Variants in KAZN observed in about 807,000 individuals in gnomAD.
KAZN encodes kazrin, periplakin interacting protein.
KAZN carries 40 observed loss-of-function variants against 87.4 expected under a neutral mutation model. The ratio of observed to expected loss-of-function variants is 0.46; its 90% confidence interval spans 0.36 to 0.60. The LOEUF is 0.60. Among genes scored for constraint, KAZN ranks in the 20% least tolerant of loss-of-function variants. KAZN has a pLI of 0.00. For synonymous variants in KAZN, 466 were observed against 458.3 expected (o/e 1.02, Z -0.22); for missense variants, 898 against 1,073.9 (o/e 0.84, Z 2.29).
intron 1 of KAZN, among the ~76,000 whole-genome samples, chr1:14,746,920 T>C (rs536476069): frequency 5.3e-5 from 8 of 152,204 alleles, no homozygotes; most frequent in Non-Finnish European, 8.8e-5. Context: ...AATAGAGTAT[T>C]GTACAACCAT....
intron 2 of KAZN, among the ~76,000 whole-genome samples, chr1:15,007,052 G>A (rs1160417815): frequency 8.7e-5 from 8 of 91,740 alleles, no homozygotes; most frequent in Non-Finnish European, 1.1e-4. Flanking sequence ...GCAAGACTCC[G>A]TCTCAAAAAA....
chr1:14,924,422 G>C (rs944390150), intron 1 of KAZN: 1 of 988,178 alleles, frequency 1.0e-6, no homozygotes, highest in Non-Finnish European at 1.2e-6. Context: ...GGCGCAGGGC[G>C]AGCCGGCGCC....
chr1:14,972,907 G>A (rs1267321795), intron 2 of KAZN, among the ~76,000 whole-genome samples: 2 of 152,028 alleles, frequency 1.3e-5, no homozygotes, highest in African/African-American at 4.8e-5. Flanking sequence ...CAGGAGAGGG[G>A]GTGTGGGGAA....
intron 1 of KAZN, among the ~76,000 whole-genome samples, chr1:14,607,096 A>G (rs1416311541): frequency 1.3e-5 from 2 of 152,152 alleles, no homozygotes; most frequent in Admixed American, 6.5e-5. Flanking sequence ...AGATGGATGG[A>G]TGGGTGAATA....
chr1:14,470,602 T>C (rs1341944155), intron 2 of KAZN, among the ~76,000 whole-genome samples: 1 of 152,174 alleles, frequency 6.6e-6, no homozygotes, highest in African/African-American at 2.4e-5. Context: ...AGAGAGAGGA[T>C]ATATTTTTCT....
intron 2 of KAZN, among the ~76,000 whole-genome samples, chr1:14,221,433 C>T (rs1014732706): frequency 8.5e-5 from 13 of 152,080 alleles, no homozygotes; most frequent in Admixed American, 2.6e-4. Flanking sequence ...TTTGCAATCA[C>T]GATCCATGTA....
chr1:14,938,621 A>G (rs1038121622), intron 1 of KAZN, among the ~76,000 whole-genome samples: 3 of 152,028 alleles, frequency 2.0e-5, no homozygotes, highest in African/African-American at 7.2e-5. Context: ...TCCAGAGTCC[A>G]ATACTCAATA....
intron 1 of KAZN, among the ~76,000 whole-genome samples, chr1:13,956,309 T>C (rs12757176): frequency 0.23 from 23,844 of 102,448 alleles, 2,244 homozygotes; most frequent in African/African-American, 0.33. Context: ...TTCTTTTTTT[T>C]CTTTTTTTTT....
intron 2 of KAZN, among the ~76,000 whole-genome samples, chr1:14,345,504 G>A (rs887611762): frequency 1.3e-5 from 2 of 152,248 alleles, no homozygotes; most frequent in Middle Eastern, 3.4e-3. Context: ...AAATATAATC[G>A]TATCAACTCA....
chr1:14,020,871 A>G (rs1640793216), intron 1 of KAZN, among the ~76,000 whole-genome samples: 3 of 152,192 alleles, frequency 2.0e-5, no homozygotes, highest in African/African-American at 4.8e-5. Context: ...GGTAGCCAGC[A>G]TTTGTCACCG....
intron 4 of KAZN, among the ~76,000 whole-genome samples, chr1:15,054,501 A>C (rs1304944503): frequency 6.6e-6 from 1 of 152,056 alleles, no homozygotes; most frequent in African/African-American, 2.4e-5. Context: ...AATACAAAAA[A>C]ATTAGCTGGG....
chr1:14,702,346 G>GTC (rs1376468119), intron 1 of KAZN, among the ~76,000 whole-genome samples: 1 of 151,698 alleles, frequency 6.6e-6, no homozygotes, highest in Non-Finnish European at 1.5e-5. Flanking sequence ...GTGTGTGTGT[G>GTC]TGTGTGTGTG....
At chr1:14,407,900 T>G (rs1485659784) in intron 2 of KAZN, among the ~76,000 whole-genome samples, 2 of 152,140 alleles carry the variant, frequency 1.3e-5, no homozygotes, top group African/African-American at 4.8e-5. Flanking sequence ...AAAATTAATT[T>G]GTTTTTTAGA....
At chr1:14,640,959 C>T (rs1680366299) in intron 1 of KAZN, among the ~76,000 whole-genome samples, 1 of 152,232 alleles carries the variant, frequency 6.6e-6, no homozygotes, top group South Asian at 2.1e-4. Context: ...TTTGAGCTGG[C>T]TGTATTCTTG....
At chr1:14,971,429 A>G (rs1344615574) in intron 2 of KAZN, among the ~76,000 whole-genome samples, 1 of 152,178 alleles carries the variant, frequency 6.6e-6, no homozygotes, top group East Asian at 1.9e-4. Flanking sequence ...AAAATCTTCT[A>G]CGGCCTTCTA....
intron 2 of KAZN, among the ~76,000 whole-genome samples, chr1:14,589,334 A>AGG (rs1557819339): frequency 6.7e-6 from 1 of 148,174 alleles, no homozygotes; most frequent in Non-Finnish European, 1.5e-5. Context: ...AGGCAGGTAA[A>AGG]AAAAAAAAAA....
At chr1:14,323,895 T>C (rs1273240440) in intron 2 of KAZN, among the ~76,000 whole-genome samples, 1 of 152,220 alleles carries the variant, frequency 6.6e-6, no homozygotes, top group Non-Finnish European at 1.5e-5. Context: ...GGACTCTTAC[T>C]TAGTGTTTGG....
chr1:14,656,715 C>T (rs150767174), intron 1 of KAZN, among the ~76,000 whole-genome samples: 13 of 152,276 alleles, frequency 8.5e-5, no homozygotes, highest in East Asian at 7.7e-4. Flanking sequence ...CGGCGCTACG[C>T]GCTTTTAAAC....
At chr1:14,309,603 C>A (rs1655151534) in intron 2 of KAZN, among the ~76,000 whole-genome samples, 1 of 152,080 alleles carries the variant, frequency 6.6e-6, no homozygotes, top group South Asian at 2.1e-4. Context: ...ACTCTGTGGC[C>A]CAGGTGGAGT....
Sources: gnomAD v4.1 joint callset for allele counts (sites outside exome capture counted in the v4.1 genomes callset) on GRCh38, gnomAD v4.1.1 for gene constraint, MANE v1.5 for transcripts, NCBI Gene and HGNC (gene_info 2026-07-23, HGNC 2026-07-21) for gene names.